Variants in RABGAP1L observed in about 807,000 individuals in gnomAD.
RABGAP1L encodes rab GTPase-activating protein 1-like.
In RABGAP1L, 63 loss-of-function variants were observed where a neutral mutation model predicts 137.7. The ratio of observed to expected loss-of-function variants is 0.46; its 90% confidence interval spans 0.37 to 0.56. The LOEUF (loss-of-function observed/expected upper bound fraction) is 0.56, where lower values mean the gene tolerates loss of function less well. Ranked by LOEUF, RABGAP1L falls within the 20% of genes least tolerant of loss-of-function variation. The pLI, the probability that RABGAP1L is intolerant of heterozygous loss-of-function variation, is 0.00. For synonymous variants in RABGAP1L, 431 were observed against 433.7 expected, an observed-to-expected ratio of 0.99 and a Z score of 0.08; for missense variants, 1,095 against 1,244.0, an observed-to-expected ratio of 0.88 and a Z score of 1.80.
chr1:174,334,239 G>A (rs1681281155), intron 11 of RABGAP1L, among the ~76,000 whole-genome samples: 1 of 152,158 alleles, frequency 6.6e-6, no homozygotes, highest in Non-Finnish European at 1.5e-5. Context: ...TCAGTAAGTG[G>A]CGGCTTTTAG....
intron 13 of RABGAP1L, among the ~76,000 whole-genome samples, chr1:174,566,773 G>C: frequency 6.6e-6 from 1 of 152,046 alleles, no homozygotes; most frequent in South Asian, 2.1e-4. Context: ...TGATCATGTT[G>C]GGAAAGCAAG....
intron 18 of RABGAP1L, among the ~76,000 whole-genome samples, chr1:174,771,491 A>C (rs2148730136): frequency 6.6e-6 from 1 of 152,344 alleles, no homozygotes; most frequent in South Asian, 2.1e-4. Flanking sequence ...AAGTGTTTAC[A>C]GAACAATATA....
intron 13 of RABGAP1L, among the ~76,000 whole-genome samples, chr1:174,444,795 T>C (rs189681015): frequency 1.3e-5 from 2 of 152,250 alleles, no homozygotes; most frequent in African/African-American, 4.8e-5. Context: ...TGTCTTTTCA[T>C]CTTTGATTTT....
chr1:174,915,867 A>G (rs970452162), intron 19 of RABGAP1L, among the ~76,000 whole-genome samples: 1 of 152,112 alleles, frequency 6.6e-6, no homozygotes, highest in Non-Finnish European at 1.5e-5. Flanking sequence ...ATTTTTTCCC[A>G]ATCTGTGGCT....
At chr1:174,452,983 T>G (rs1464887516) in intron 13 of RABGAP1L, among the ~76,000 whole-genome samples, 8 of 152,216 alleles carry the variant, frequency 5.3e-5, no homozygotes, top group Admixed American at 5.2e-4. Context: ...AGATAGCATT[T>G]CTTTTTGCAA....
At chr1:174,800,645 T>C (rs980277581) in intron 18 of RABGAP1L, 13 of 1,212,130 alleles carry the variant, frequency 1.1e-5, no homozygotes, top group Non-Finnish European at 1.5e-5. Context: ...GAGTGGCCAC[T>C]GTTGTGCAGC....
chr1:174,635,246 TC>T (rs1179257848), intron 13 of RABGAP1L, among the ~76,000 whole-genome samples: 1 of 152,100 alleles, frequency 6.6e-6, no homozygotes, highest in East Asian at 1.9e-4. Context: ...TCTCTTAATG[TC>T]CTGAAAAGTA....
chr1:174,530,203 G>C (rs1470950214), intron 13 of RABGAP1L, among the ~76,000 whole-genome samples: 1 of 151,500 alleles, frequency 6.6e-6, no homozygotes, highest in East Asian at 2.0e-4. Context: ...TGTACTACTT[G>C]CACCTCAGTC....
At chr1:174,648,183 G>C (rs1374920062) in intron 14 of RABGAP1L, among the ~76,000 whole-genome samples, 2 of 151,682 alleles carry the variant, frequency 1.3e-5, no homozygotes, top group Non-Finnish European at 2.9e-5. Flanking sequence ...TTTTTTTGAA[G>C]GGTTTTTCAT....
rs138693490 is a variant in RABGAP1L, at chr1:174,499,636, A to C, written c.1710+105491A>C. On this transcript the variant is annotated intron_variant, in intron 13 of 25. Transcript: ENST00000681986. ...CCGAGCCTCAGTTTCCTTGGTTATG[A>C]AATGGGAGTGATGGCAATTATCTCA... 9.2e-5 allele frequency among the ~76,000 whole-genome samples: 14 copies of C among 152,328 alleles called. No homozygotes were observed. In the East Asian group the frequency reaches 2.7e-3, roughly 29 times the overall value.
At chr1:174,318,588 C>CTTTCTT (rs1553272561) in intron 11 of RABGAP1L, among the ~76,000 whole-genome samples, 1 of 126,388 alleles carries the variant, frequency 7.9e-6, no homozygotes, top group African/African-American at 3.2e-5. Flanking sequence ...TGTTTTCTTT[C>CTTTCTT]TTTCTTTCTT....
At chr1:174,190,918 T>C (rs1667166395) in intron 1 of RABGAP1L, among the ~76,000 whole-genome samples, 2 of 152,150 alleles carry the variant, frequency 1.3e-5, no homozygotes, top group African/African-American at 4.8e-5. Flanking sequence ...ATTGTTGTGT[T>C]TCAGGAATAG....
In RABGAP1L at chr1:174,944,008, C is replaced by T. The variant is rs188578814; in HGVS notation, c.2341-13449C>T. Among the ~76,000 whole-genome samples, 627 of 152,094 alleles carry T rather than the reference C, an allele frequency of 4.1e-3. 8 individuals carry two copies. The highest frequency in any genetic ancestry group is 0.031 in the South Asian group (147 of 4,812). On this transcript the variant is annotated intron_variant, in intron 19 of 25. Transcript: ENST00000681986. ...AGTTGTGGCCAGATGCAATGGCTCA[C>T]GCCTATAATCCCAGCACTATGGAAG...
intron 4 of RABGAP1L, among the ~76,000 whole-genome samples, chr1:174,240,884 CA>C (rs1452277771): frequency 6.6e-6 from 1 of 151,982 alleles, no homozygotes; most frequent in Non-Finnish European, 1.5e-5. Flanking sequence ...ATAGGAAACA[CA>C]AGAATGAAGA....
chr1:174,712,230 C>A (rs1001779934), intron 17 of RABGAP1L, among the ~76,000 whole-genome samples: 1 of 152,134 alleles, frequency 6.6e-6, no homozygotes, highest in Non-Finnish European at 1.5e-5. Flanking sequence ...GCAGGCTGCC[C>A]GAGCAGTCAC....
intron 1 of RABGAP1L, among the ~76,000 whole-genome samples, chr1:174,195,814 C>CT (rs1667635040): frequency 2.9e-5 from 2 of 69,566 alleles, no homozygotes; most frequent in African/African-American, 1.0e-4. Context: ...TCTTTCTATC[C>CT]TTCTTTCTTT....
chr1:174,304,067 T>C (rs1244303872), intron 10 of RABGAP1L, among the ~76,000 whole-genome samples: 1 of 152,202 alleles, frequency 6.6e-6, no homozygotes, highest in Non-Finnish European at 1.5e-5. Flanking sequence ...AGATACTCTT[T>C]ATCAGGTTGA....
chr1:174,849,803 A>C, intron 19 of RABGAP1L: 1 of 544,534 alleles, frequency 1.8e-6, no homozygotes, highest in South Asian at 1.4e-5. Context: ...GATTATTGAG[A>C]AGTGTCAATG....
chr1:174,941,314 G>A (rs1347370903), intron 19 of RABGAP1L, among the ~76,000 whole-genome samples: 1 of 152,176 alleles, frequency 6.6e-6, no homozygotes, highest in Non-Finnish European at 1.5e-5. Flanking sequence ...CATAGTGTAA[G>A]GGTAGTTGTT....
Sources: allele counts gnomAD v4.1 joint callset (sites outside exome capture counted in the v4.1 genomes callset), GRCh38; gene constraint gnomAD v4.1.1; transcripts MANE v1.5; gene names NCBI Gene and HGNC (gene_info 2026-07-23, HGNC 2026-07-21).